The following ITPR2 variants were observed in gnomAD, a reference collection of about 807,000 sequenced individuals.
ITPR2 encodes inositol 1,4,5-trisphosphate-gated calcium channel ITPR2.
Under a neutral mutation model 317.1 loss-of-function variants are expected in ITPR2, and 207 were observed. That is an observed-to-expected ratio of 0.65 (90% CI 0.58 to 0.73). ITPR2 has a LOEUF of 0.73. Ranked by LOEUF, ITPR2 falls within the 30% of genes least tolerant of loss-of-function variation. The probability of loss-of-function intolerance (pLI) is 0.00; values close to 1 mark genes in which losing one functional copy is unlikely to be tolerated. For missense variants in ITPR2, 2,613 were observed against 3,284.0 expected (o/e 0.80, Z 4.99); for synonymous variants, 1,156 against 1,149.1 (o/e 1.01, Z -0.12).
chr12:26,743,994 T>C (rs1247569535), intron 2 of ITPR2, among the ~76,000 whole-genome samples: 1 of 152,218 alleles, frequency 6.6e-6, no homozygotes, highest in African/African-American at 2.4e-5. Flanking sequence ...CAACTCATCA[T>C]CCTAATCTAA....
At chr12:26,510,004 G>GTGTGTGTGTGTGT (rs1555144482) in intron 37 of ITPR2, among the ~76,000 whole-genome samples, 110 of 112,128 alleles carry the variant, frequency 9.8e-4, no homozygotes, top group Non-Finnish European at 1.7e-3. Context: ...GTGTGTGTGT[G>GTGTGTGTGTGTGT]GTGGGGGGTG....
At position 26,405,199 on chromosome 12, in the gene ITPR2, T is replaced by C. The variant is rs183740658; in HGVS notation, c.7400-4941A>G. Among the ~76,000 whole-genome samples the C allele has an allele frequency of 2.5e-3, 378 of 151,644 alleles. 3 individuals carry two copies. Among genetic ancestry groups the C allele is most frequent in the African/African-American group, 8.7e-3 (360 of 41,416 alleles). On this transcript the variant is annotated intron_variant, in intron 52 of 56. Transcript: ENST00000381340. ...GAGGAGGGAGAGAACATGTTGCTTA[T>C]AAACAAAAGTAAAGAATTAGTGAAA...
Position 26,654,054 on chromosome 12 carries a change from T to C in ITPR2, c.2662A>G (p.Thr888Ala), listed in dbSNP as rs1228550102. 1.9e-6 allele frequency: 3 copies of C among 1,596,730 alleles called. No homozygotes were observed. The highest frequency in any genetic ancestry group is 2.6e-6 in the Non-Finnish European group (3 of 1,173,122). Residue 888 changes from threonine to alanine, a missense_variant, in exon 21 of 57, where the codon ACA (threonine) becomes GCA (alanine). By Grantham distance (58) the Thr-to-Ala change is moderately conservative. Coordinates refer to ENST00000381340, the MANE Select transcript of ITPR2 (RefSeq NM_002223.4). The part of the protein sequence containing the change: ...SFSELLRLTR[T>A]LLAILDIVQA... Reference sequence around the variant, plus strand: ...ACAATGTCTAAAATAGCCAGAAGTGTTCTTGTTAGCCTTAATAACTCACTG... The same window carrying C: ...ACAATGTCTAAAATAGCCAGAAGTGCTCTTGTTAGCCTTAATAACTCACTG...
intron 1 of ITPR2, among the ~76,000 whole-genome samples, chr12:26,815,214 C>T (rs1679887528): frequency 6.6e-6 from 1 of 152,124 alleles, no homozygotes; most frequent in African/African-American, 2.4e-5. Flanking sequence ...GCCTCTAGTC[C>T]CCAGCTACTC....
At chr12:26,712,938 G>A (rs1427870961) in intron 8 of ITPR2, among the ~76,000 whole-genome samples, 1 of 152,220 alleles carries the variant, frequency 6.6e-6, no homozygotes, top group Non-Finnish European at 1.5e-5. Context: ...CACTGTGTGT[G>A]GCCCTCAGGA....
At chr12:26,801,046 C>A in intron 1 of ITPR2, 1 of 199,360 alleles carries the variant, frequency 5.0e-6, no homozygotes. Context: ...AGGCTGACGA[C>A]TGAGTGGGCA....
intron 34 of ITPR2, among the ~76,000 whole-genome samples, chr12:26,572,255 T>C (rs1032625883): frequency 6.6e-6 from 1 of 152,158 alleles, no homozygotes; most frequent in Admixed American, 6.6e-5. Context: ...GCCATTGTTT[T>C]GATCTAGCCT....
chr12:26,426,366 T>G (rs1941061886), intron 49 of ITPR2, among the ~76,000 whole-genome samples: 1 of 152,232 alleles, frequency 6.6e-6, no homozygotes, highest in South Asian at 2.1e-4. Flanking sequence ...TTTGCTTGGT[T>G]GGTAATACTG....
In ITPR2 at chr12:26,483,859, G is replaced by A; in HGVS notation, c.5851C>T (p.Leu1951=). The change falls in exon 42 of 57, where the codon CTA becomes TTA. Residue 1951 remains leucine (L), a synonymous_variant. Transcript: ENST00000381340. ...AGAAACTGAAGGGTCTCACAGACTA[G>A]GTTGTAATTTGTTTTGTTGTTTTGA... ...RNQNNKTNYN[L]VCETLQFLDC... The A allele has an allele frequency of 6.2e-7, 1 of 1,614,130 alleles. No homozygotes were observed. The highest frequency in any genetic ancestry group is 8.5e-7 in the Non-Finnish European group (1 of 1,179,998).
intron 37 of ITPR2, among the ~76,000 whole-genome samples, chr12:26,523,742 T>C (rs1280517561): frequency 2.0e-5 from 3 of 152,258 alleles, no homozygotes; most frequent in Non-Finnish European, 4.4e-5. Flanking sequence ...TCAACCCATT[T>C]GCTTTCTACT....
intron 5 of ITPR2, among the ~76,000 whole-genome samples, chr12:26,721,062 C>G (rs1948829469): frequency 6.6e-6 from 1 of 152,098 alleles, no homozygotes; most frequent in Admixed American, 6.6e-5. Context: ...CAAGAAAGAG[C>G]CTCAAAGGCA....
intron 2 of ITPR2, among the ~76,000 whole-genome samples, chr12:26,789,829 AT>A (rs1240096319): frequency 2.6e-5 from 4 of 152,240 alleles, no homozygotes; most frequent in Non-Finnish European, 5.9e-5. Context: ...ACACTATAAC[AT>A]TTATAACTGT....
At chr12:26,832,330 G>A (rs2137320686) in intron 1 of ITPR2, among the ~76,000 whole-genome samples, 1 of 152,304 alleles carries the variant, frequency 6.6e-6, no homozygotes, top group South Asian at 2.1e-4. Context: ...TGGAAAAGGG[G>A]GGTGTTTTGT....
In ITPR2 at chr12:26,619,340, C is replaced by G. The variant is rs79913704; in HGVS notation, c.3462+1783G>C. Among the ~76,000 whole-genome samples the G allele has an allele frequency of 7.9e-3, 1,209 of 152,280 alleles. 12 individuals carry two copies. The highest frequency in any genetic ancestry group is 0.028 in the African/African-American group (1,154 of 41,556). ...TTGAAAAACACTGTTGGTTGCTAAC[C>G]AACATTCTTTCTTATTCTTCCCTGC... On this transcript the variant is annotated intron_variant, in intron 26 of 56. Coordinates refer to ENST00000381340, the MANE Select transcript of ITPR2 (RefSeq NM_002223.4).
intron 45 of ITPR2, among the ~76,000 whole-genome samples, chr12:26,463,642 G>T (rs1942096135): frequency 6.6e-6 from 1 of 151,724 alleles, no homozygotes; most frequent in Non-Finnish European, 1.5e-5. Context: ...TCCAGCCTGG[G>T]CAACAAGGGC....
chr12:26,649,801 A>G (rs140725931), intron 21 of ITPR2, among the ~76,000 whole-genome samples: 3,208 of 151,168 alleles, frequency 0.021, 105 homozygotes, highest in African/African-American at 0.074. Flanking sequence ...AGATAGATAG[A>G]TAGATAGATA....
chr12:26,679,236 G>C (rs1305548483), intron 13 of ITPR2, among the ~76,000 whole-genome samples: 1 of 152,098 alleles, frequency 6.6e-6, no homozygotes, highest in East Asian at 1.9e-4. Context: ...ATGTAAGTTT[G>C]CCAGGGAAAA....
intron 34 of ITPR2, among the ~76,000 whole-genome samples, chr12:26,572,293 C>G (rs1205672652): frequency 2.0e-5 from 3 of 152,086 alleles, no homozygotes; most frequent in Non-Finnish European, 2.9e-5. Flanking sequence ...CAGACCAGGC[C>G]AGAATGAAGT....
intron 1 of ITPR2, among the ~76,000 whole-genome samples, chr12:26,821,966 T>G (rs545623918): frequency 1.3e-5 from 2 of 152,352 alleles, no homozygotes; most frequent in African/African-American, 4.8e-5. Context: ...AGGTTTTGTT[T>G]GCTTATCTGG....
Sources: allele counts gnomAD v4.1 joint callset (sites outside exome capture counted in the v4.1 genomes callset), GRCh38; gene constraint gnomAD v4.1.1; transcripts MANE v1.5; gene names NCBI Gene and HGNC (gene_info 2026-07-23, HGNC 2026-07-21).